RXFP1: variants seen among roughly 807,000 people sequenced by gnomAD.
The protein encoded by RXFP1 is relaxin receptor 1.
A neutral mutation model predicts 89.8 loss-of-function variants in RXFP1; 73 were observed. That is an observed-to-expected ratio of 0.81 (90% CI 0.67 to 0.99). The LOEUF (loss-of-function observed/expected upper bound fraction) is 0.99, where lower values mean the gene tolerates loss of function less well. Among genes scored for constraint, RXFP1 ranks in the 50% least tolerant of loss-of-function variants. RXFP1 has a pLI of 0.00. For missense variants in RXFP1, 793 were observed against 895.5 expected, an observed-to-expected ratio of 0.89 and a Z score of 1.46; for synonymous variants, 277 against 305.5, an observed-to-expected ratio of 0.91 and a Z score of 0.97.
intron 9 of RXFP1, among the ~76,000 whole-genome samples, chr4:158,624,601 A>G (rs76333652): frequency 0.012 from 1,867 of 152,238 alleles, 20 homozygotes; most frequent in Middle Eastern, 0.031. Flanking sequence ...AAATAAAAAA[A>G]CCTTCGTTAA....
intron 6 of RXFP1, among the ~76,000 whole-genome samples, chr4:158,611,650 G>T (rs750004232): frequency 6.6e-6 from 1 of 152,168 alleles, no homozygotes; most frequent in African/African-American, 2.4e-5. Flanking sequence ...CTTCTCAATT[G>T]TGCCTCTGTT....
chr4:158,580,373 G>C (rs1344495502), intron 2 of RXFP1, among the ~76,000 whole-genome samples: 1 of 152,112 alleles, frequency 6.6e-6, no homozygotes, highest in Non-Finnish European at 1.5e-5. Flanking sequence ...GCCTAGAAAG[G>C]TTTTTTAAAA....
At chr4:158,556,343 G>A (rs557628156) in intron 1 of RXFP1, among the ~76,000 whole-genome samples, 2 of 152,088 alleles carry the variant, frequency 1.3e-5, no homozygotes, top group South Asian at 2.1e-4. Context: ...AATTATCAGG[G>A]AAATGCAAAT....
rs1301096906 is a variant in RXFP1, at chr4:158,628,658, T to C, written c.848T>C (p.Ile283Thr). ...TTCAGAGTGATGAGGAAAAACAAAA[T>C]TAATCACTTAAATGAAAATACTTTT... ...LTVLVMRKNK[I>T]NHLNENTFAP... Residue 283 changes from isoleucine to threonine, a missense_variant, in exon 11 of 18, where the codon ATT becomes ACT. Physicochemically the swap from Ile to Thr is moderately conservative, Grantham distance 89 (BLOSUM62 -1). Transcript: ENST00000307765. 16 of 1,569,402 alleles carry C rather than the reference T, an allele frequency of 1.0e-5. No homozygotes were observed. Among genetic ancestry groups the C allele is most frequent in the Non-Finnish European group, 1.4e-5 (16 of 1,142,350 alleles).
chr4:158,626,726 G>C lies in RXFP1; in HGVS notation c.756-94G>C, dbSNP rs184162248. The C allele has an allele frequency of 4.1e-6, 3 of 736,118 alleles. No individual in the cohort carries two copies. In the Admixed American group the frequency reaches 8.8e-5, roughly 22 times the overall value. 45.6% of individuals were successfully genotyped at this position (736,118 alleles called of 1,614,324 possible). A position where few individuals can be genotyped will look rare whatever the true frequency, so the allele number is the denominator to read the frequency against. ...CTATATGAAATAAACAGTATGTAAA[G>C]AAAAGATATTTTATTAGAAGGCAAA... On this transcript the variant is annotated intron_variant, in intron 9 of 17. Transcript: ENST00000307765.
chr4:158,524,844 T>TTAC (rs1553988558), intron 1 of RXFP1, among the ~76,000 whole-genome samples: 4 of 151,994 alleles, frequency 2.6e-5, no homozygotes, highest in African/African-American at 9.7e-5. Flanking sequence ...AAACAATTCT[T>TTAC]TTAATGTTTT....
intron 11 of RXFP1, among the ~76,000 whole-genome samples, chr4:158,631,658 T>C (rs1768055690): frequency 6.6e-6 from 1 of 152,062 alleles, no homozygotes; most frequent in South Asian, 2.1e-4. Context: ...AGGATGAATA[T>C]GAGATCACAA....
chr4:158,619,902 T>G (rs1382808048), intron 9 of RXFP1, among the ~76,000 whole-genome samples: 1 of 151,448 alleles, frequency 6.6e-6, no homozygotes, highest in Non-Finnish European at 1.5e-5. Flanking sequence ...CGGCAGGAAA[T>G]GCTCTTATGA....
At chr4:158,525,312 G>T (rs1742237601) in intron 1 of RXFP1, among the ~76,000 whole-genome samples, 1 of 151,798 alleles carries the variant, frequency 6.6e-6, no homozygotes, top group Admixed American at 6.6e-5. Flanking sequence ...GGTCAAGTCA[G>T]GACTTTTAGG....
At chr4:158,638,137 A>G (rs1220101853) in intron 13 of RXFP1, 58 bp downstream of exon 13, 6 of 954,250 alleles carry the variant, frequency 6.3e-6, no homozygotes, top group Non-Finnish European at 8.1e-6. Flanking sequence ...AATACTAACA[A>G]TGTATATTTT....
At chr4:158,614,717 T>C (rs1245167059) in intron 8 of RXFP1, among the ~76,000 whole-genome samples, 1 of 152,144 alleles carries the variant, frequency 6.6e-6, no homozygotes, top group African/African-American at 2.4e-5. Flanking sequence ...TGTCTTACTT[T>C]CCTATCATTT....
chr4:158,617,230 A>T, intron 9 of RXFP1, 25 bp downstream of exon 9: 3 of 1,546,258 alleles, frequency 1.9e-6, no homozygotes, highest in Non-Finnish European at 2.7e-6. Flanking sequence ...CTTTTTTTAA[A>T]GAACTCAACT....
At chr4:158,605,815 C>T (rs1762457669) in intron 5 of RXFP1, among the ~76,000 whole-genome samples, 3 of 152,164 alleles carry the variant, frequency 2.0e-5, no homozygotes, top group Admixed American at 2.0e-4. Context: ...CTAAATCACA[C>T]TAACTAAGAA....
At chr4:158,597,647 T>C (rs1445416961) in intron 3 of RXFP1, among the ~76,000 whole-genome samples, 1 of 152,194 alleles carries the variant, frequency 6.6e-6, no homozygotes, top group Non-Finnish European at 1.5e-5. Flanking sequence ...TTTTCATTTT[T>C]CCCTATTGCA....
intron 9 of RXFP1, among the ~76,000 whole-genome samples, chr4:158,620,638 T>C (rs1473350659): frequency 6.6e-6 from 1 of 152,106 alleles, no homozygotes; most frequent in African/African-American, 2.4e-5. Flanking sequence ...TATGGTAATA[T>C]TGGCGAAAAA....
chr4:158,526,852 AG>A (rs1340209869), intron 1 of RXFP1, among the ~76,000 whole-genome samples: 3 of 152,188 alleles, frequency 2.0e-5, no homozygotes, highest in Admixed American at 2.0e-4. Flanking sequence ...CAGCTGGTCT[AG>A]GCCACCTGGA....
At chr4:158,615,233 TATTG>T (rs1764325590) in intron 8 of RXFP1, among the ~76,000 whole-genome samples, 1 of 152,086 alleles carries the variant, frequency 6.6e-6, no homozygotes, top group Admixed American at 6.6e-5. Flanking sequence ...ACACAACATT[TATTG>T]ATTAAGATAG....
chr4:158,531,898 G>A (rs1230197843), intron 1 of RXFP1, among the ~76,000 whole-genome samples: 1 of 145,952 alleles, frequency 6.9e-6, no homozygotes, highest in African/African-American at 2.5e-5. Flanking sequence ...ATGCAATCTG[G>A]GTTTTCTGTT....
chr4:158,529,244 T>TTTGTTGTTG (rs70962613), intron 1 of RXFP1, among the ~76,000 whole-genome samples: 262 of 110,048 alleles, frequency 2.4e-3, no homozygotes, highest in African/African-American at 9.2e-3. Context: ...TTGCTTGTTT[T>TTTGTTGTTG]TTGTTGTTGT....
Sources: allele counts gnomAD v4.1 joint callset (sites outside exome capture counted in the v4.1 genomes callset), GRCh38; gene constraint gnomAD v4.1.1; transcripts MANE v1.5; gene names NCBI Gene and HGNC (gene_info 2026-07-23, HGNC 2026-07-21).